Variants in NAALADL2 observed in about 807,000 individuals in gnomAD.
NAALADL2 encodes the protein inactive N-acetylated-alpha-linked acidic dipeptidase-like protein 2.
Under a neutral mutation model 87.2 loss-of-function variants are expected in NAALADL2, and 76 were observed. The observed-to-expected ratio is 0.87, with a 90% CI of 0.72 to 1.05. NAALADL2 has a LOEUF of 1.05. Ranked by LOEUF, NAALADL2 falls within the 50% of genes least tolerant of loss-of-function variation. NAALADL2 has a pLI of 0.00. For synonymous variants in NAALADL2, 354 were observed against 331.0 expected (o/e 1.07, Z -0.75); for missense variants, 1,089 against 945.8 (o/e 1.15, Z -1.99).
chr3:175,179,348 A>T (rs1291229833), intron 2 of NAALADL2, among the ~76,000 whole-genome samples: 2 of 151,980 alleles, frequency 1.3e-5, no homozygotes, highest in Non-Finnish European at 2.9e-5. Context: ...CTAGTGAGTT[A>T]TGATAAAACT....
At chr3:175,397,859 G>T (rs1255092782) in intron 5 of NAALADL2, among the ~76,000 whole-genome samples, 1 of 152,024 alleles carries the variant, frequency 6.6e-6, no homozygotes, top group Admixed American at 6.6e-5. Flanking sequence ...TGAAGATTAG[G>T]GGCCTTTTTG....
At position 175,601,286 on chromosome 3, in the gene NAALADL2, A is replaced by T. The variant is rs1055092435; in HGVS notation, c.1800+25099A>T. On this transcript the variant is annotated intron_variant, in intron 10 of 13. Transcript: ENST00000454872. Reference sequence around the variant, plus strand: ...TTAATAACACCATATTAATATCAACATATTGTATGTGTATGTTAAAAAATT... The same window carrying T: ...TTAATAACACCATATTAATATCAACTTATTGTATGTGTATGTTAAAAAATT... Among the ~76,000 whole-genome samples the T allele has an allele frequency of 2.0e-5, 3 of 152,184 alleles. No homozygotes were observed. The South Asian group carries it at 6.2e-4, about 32-fold the overall frequency.
Position 174,562,618 on chromosome 3 carries a change from G to A in NAALADL2, c.-115+11981G>A, listed in dbSNP as rs565119601. ...ATTCTTTTTGCATAGTTGTATATGA[G>A]CAGGACCACAATATTGCCACCTCGC... On this transcript the variant is annotated intron_variant, in intron 2 of 3. Transcript: ENST00000434257. Among the ~76,000 whole-genome samples, 31 of 152,030 alleles carry A rather than the reference G, an allele frequency of 2.0e-4. No homozygotes were observed. In the South Asian group the frequency reaches 2.5e-3, roughly 12 times the overall value.
chr3:174,656,669 A>T lies in NAALADL2; in HGVS notation c.-114-80972A>T, dbSNP rs1027028617. On this transcript the variant is annotated intron_variant, in intron 2 of 3. Coordinates refer to the NAALADL2 transcript ENST00000434257. ...AAAGCAGGTCAATATGGTCTTTGCT[A>T]AAATTATTATTTAAAACTACATTAT... Among the ~76,000 whole-genome samples, 3 of 152,216 alleles carry T rather than the reference A, an allele frequency of 2.0e-5. No individual in the cohort carries two copies. The South Asian group carries it at 6.2e-4, about 32-fold the overall frequency.
At chr3:175,312,927 T>G (rs1488233135) in intron 4 of NAALADL2, among the ~76,000 whole-genome samples, 1 of 152,204 alleles carries the variant, frequency 6.6e-6, no homozygotes, top group Non-Finnish European at 1.5e-5. Context: ...CATATTTGCC[T>G]TATGTGGATT....
chr3:175,217,937 A>T (rs1742803073), intron 2 of NAALADL2: 1 of 218,584 alleles, frequency 4.6e-6, no homozygotes, highest in South Asian at 5.6e-5. Flanking sequence ...TAGAAATGAC[A>T]GTGACTATCA....
chr3:175,437,159 G>A (rs906014468), intron 5 of NAALADL2, among the ~76,000 whole-genome samples: 9 of 146,950 alleles, frequency 6.1e-5, no homozygotes, highest in African/African-American at 2.3e-4. Flanking sequence ...TCAGATAGTT[G>A]TAGGTATGTG....
intron 4 of NAALADL2, among the ~76,000 whole-genome samples, chr3:175,318,731 C>A (rs1759470098): frequency 6.6e-6 from 1 of 152,136 alleles, no homozygotes; most frequent in Admixed American, 6.5e-5. Flanking sequence ...CCACTACAAT[C>A]AAGATACAGA....
intron 5 of NAALADL2, among the ~76,000 whole-genome samples, chr3:175,330,658 G>C (rs1030424486): frequency 3.9e-5 from 6 of 152,084 alleles, no homozygotes; most frequent in African/African-American, 1.4e-4. Flanking sequence ...AGCAAAAGCA[G>C]TGCTAAGAGG....
intron 4 of NAALADL2, among the ~76,000 whole-genome samples, chr3:175,259,231 G>A (rs569792288): frequency 6.6e-6 from 1 of 152,274 alleles, no homozygotes; most frequent in South Asian, 2.1e-4. Flanking sequence ...AGATAGGTAA[G>A]AGTATAGTTA....
intron 9 of NAALADL2, among the ~76,000 whole-genome samples, chr3:175,506,941 A>G (rs920176624): frequency 2.6e-5 from 4 of 152,092 alleles, no homozygotes; most frequent in African/African-American, 9.7e-5. Flanking sequence ...CATGCACGGG[A>G]CATGTCAGCC....
At chr3:174,645,466 G>A (rs983250552) in intron 2 of NAALADL2, among the ~76,000 whole-genome samples, 2 of 152,120 alleles carry the variant, frequency 1.3e-5, no homozygotes, top group Non-Finnish European at 2.9e-5. Flanking sequence ...ATATTAAAGT[G>A]TACTTAATGT....
chr3:174,919,544 T>A (rs905618997), intron 1 of NAALADL2, among the ~76,000 whole-genome samples: 1 of 152,144 alleles, frequency 6.6e-6, no homozygotes, highest in African/African-American at 2.4e-5. Flanking sequence ...AGTCCCCATT[T>A]CTAATTTTAG....
At chr3:175,330,777 C>T (rs573672045) in intron 5 of NAALADL2, among the ~76,000 whole-genome samples, 1 of 152,056 alleles carries the variant, frequency 6.6e-6, no homozygotes, top group African/African-American at 2.4e-5. Context: ...CAAACCCATA[C>T]TTAGTAGAAT....
intron 3 of NAALADL2, among the ~76,000 whole-genome samples, chr3:174,849,828 C>T (rs1725046860): frequency 6.6e-6 from 1 of 151,396 alleles, no homozygotes; most frequent in South Asian, 2.1e-4. Context: ...TCTGCCACCT[C>T]CACGTCTTGT....
chr3:175,267,255 T>A (rs987968906), intron 4 of NAALADL2, among the ~76,000 whole-genome samples: 1 of 152,106 alleles, frequency 6.6e-6, no homozygotes, highest in Non-Finnish European at 1.5e-5. Flanking sequence ...ACTAAATACG[T>A]AGGATTTTTC....
At chr3:175,197,372 G>A (rs539084644) in intron 2 of NAALADL2, among the ~76,000 whole-genome samples, 44 of 151,870 alleles carry the variant, frequency 2.9e-4, no homozygotes, top group Admixed American at 1.6e-3. Context: ...CTATATCTAC[G>A]TATATTTTAT....
intron 2 of NAALADL2, among the ~76,000 whole-genome samples, chr3:174,716,940 T>C (rs1731249932): frequency 6.6e-6 from 1 of 152,172 alleles, no homozygotes; most frequent in Admixed American, 6.6e-5. Flanking sequence ...TTGAGACATA[T>C]TAATATTCTC....
chr3:174,867,816 C>T (rs1378698247), intron 1 of NAALADL2, among the ~76,000 whole-genome samples: 1 of 151,898 alleles, frequency 6.6e-6, no homozygotes, highest in African/African-American at 2.4e-5. Context: ...TAATAGTTGG[C>T]ATAGAGTCTC....
Sources: allele counts gnomAD v4.1 joint callset (sites outside exome capture counted in the v4.1 genomes callset), GRCh38; gene constraint gnomAD v4.1.1; transcripts MANE v1.5; gene names NCBI Gene and HGNC (gene_info 2026-07-23, HGNC 2026-07-21).